The following SERGEF variants were observed in gnomAD, a reference collection of about 807,000 sequenced individuals.
SERGEF encodes secretion regulating guanine nucleotide exchange factor, also known as secretion-regulating guanine nucleotide exchange factor.
A neutral mutation model predicts 50.0 loss-of-function variants in SERGEF; 51 were observed. The ratio of observed to expected loss-of-function variants is 1.02; its 90% CI spans 0.81 to 1.29. The LOEUF (loss-of-function observed/expected upper bound fraction) is 1.29, where lower values mean the gene tolerates loss of function less well. Among genes scored for constraint, SERGEF ranks in the 50% most tolerant of loss-of-function variants. The probability of loss-of-function intolerance (pLI) is 0.00; values close to 1 mark genes in which losing one functional copy is unlikely to be tolerated. For synonymous variants in SERGEF, 205 were observed against 212.4 expected (o/e 0.97, Z 0.30); for missense variants, 521 against 557.0 (o/e 0.94, Z 0.65).
intron 10 of SERGEF, among the ~76,000 whole-genome samples, chr11:17,865,520 C>T (rs911611126): frequency 5.9e-5 from 9 of 151,950 alleles, no homozygotes; most frequent in Non-Finnish European, 2.9e-5. Context: ...TCCAGTGAGA[C>T]AAGATGTGGA....
At chr11:17,910,193 A>ACTCTCTCT (rs1219567785) in intron 9 of SERGEF, among the ~76,000 whole-genome samples, 95 of 145,744 alleles carry the variant, frequency 6.5e-4, no homozygotes, top group Non-Finnish European at 1.0e-3. Context: ...ACACACACAC[A>ACTCTCTCT]CTCTCTCTCT....
At position 17,812,319 on chromosome 11, in the gene SERGEF, G is replaced by A. The variant is rs539066906; in HGVS notation, c.1049-23906C>T. 2.0e-4 allele frequency among the ~76,000 whole-genome samples: 30 copies of A among 152,308 alleles called. No individual in the cohort carries two copies. The South Asian group carries it at 6.2e-3, about 32-fold the overall frequency. ...TAAGAAAAGTACCTCCTTCCAACCT[G>A]CCCATTTCTCTGCCAGGGGCCCATG... On this transcript the variant is annotated intron_variant, in intron 10 of 10. Transcript: ENST00000265965.
chr11:18,007,771 TGA>T (rs1854110427), intron 2 of SERGEF, among the ~76,000 whole-genome samples, 168 bp downstream of exon 2: 1 of 152,240 alleles, frequency 6.6e-6, no homozygotes, highest in African/African-American at 2.4e-5. Context: ...CTTCTAGCCC[TGA>T]AAATCTAGGA....
In SERGEF at chr11:17,992,973, T is replaced by C; in HGVS notation, c.643A>G (p.Met215Val). The C allele has an allele frequency of 6.2e-7, 1 of 1,614,126 alleles. No individual in the cohort carries two copies. Among genetic ancestry groups the C allele is most frequent in the Non-Finnish European group, 8.5e-7 (1 of 1,179,966 alleles). Residue 215 changes from methionine to valine, a missense_variant, in exon 7 of 11, where the codon ATG becomes GTG. Met to Val is a conservative substitution (Grantham distance 21). Coordinates refer to ENST00000265965, the MANE Select transcript of SERGEF (RefSeq NM_012139.4). Reference protein sequence around the residue: ...RVTGLENSKAMCVLAGSDHSA... With the variant: ...RVTGLENSKAVCVLAGSDHSA... ...TGGTCTGAGCCAGCAAGAACACACA[T>C]TGCTTTAGAATTCTCTAGACCTACA...
chr11:17,896,913 G>C (rs1189904353), intron 9 of SERGEF, among the ~76,000 whole-genome samples: 2 of 84,906 alleles, frequency 2.4e-5, no homozygotes, highest in Admixed American at 1.2e-4. Context: ...GAAGGGAAGG[G>C]AAGGGAAGGG....
intron 8 of SERGEF, among the ~76,000 whole-genome samples, chr11:17,987,261 T>G (rs941098701): frequency 2.0e-5 from 3 of 152,202 alleles, no homozygotes; most frequent in African/African-American, 4.8e-5. Context: ...GTGTAGTCTC[T>G]TTTAACTATA....
chr11:17,922,993 A>G (rs1333280198), intron 9 of SERGEF, among the ~76,000 whole-genome samples: 2 of 152,190 alleles, frequency 1.3e-5, no homozygotes, highest in Non-Finnish European at 2.9e-5. Flanking sequence ...CCTAACAGAA[A>G]GAAATCTGGG....
At chr11:17,805,739 C>T (rs891723594) in intron 10 of SERGEF, among the ~76,000 whole-genome samples, 3 of 152,140 alleles carry the variant, frequency 2.0e-5, no homozygotes, top group African/African-American at 4.8e-5. Flanking sequence ...AAGATGGGTG[C>T]GATCCCCTCT....
intron 10 of SERGEF, among the ~76,000 whole-genome samples, chr11:17,817,789 A>G (rs767303653): frequency 5.9e-5 from 9 of 152,190 alleles, no homozygotes; most frequent in African/African-American, 1.2e-4. Context: ...CATAGCTAAT[A>G]AGGGGCAATT....
intron 8 of SERGEF, among the ~76,000 whole-genome samples, chr11:17,970,916 C>T (rs1309547482): frequency 5.3e-5 from 8 of 152,038 alleles, no homozygotes; most frequent in East Asian, 1.9e-4. Context: ...GCTGTAGGAC[C>T]GGTCATGGTG....
intron 10 of SERGEF, among the ~76,000 whole-genome samples, chr11:17,826,128 C>G (rs1300700892): frequency 1.3e-5 from 2 of 152,264 alleles, no homozygotes. Context: ...AGGGCCTGAT[C>G]TGTGCCAAGC....
intron 9 of SERGEF, among the ~76,000 whole-genome samples, chr11:17,912,739 C>T (rs557226687): frequency 6.6e-6 from 1 of 152,314 alleles, no homozygotes; most frequent in South Asian, 2.1e-4. Flanking sequence ...GGAGCCAAAG[C>T]ATTCACTACT....
chr11:17,890,768 G>A (rs1851518052), intron 9 of SERGEF, among the ~76,000 whole-genome samples: 1 of 152,082 alleles, frequency 6.6e-6, no homozygotes, highest in Non-Finnish European at 1.5e-5. Flanking sequence ...ATTATTCTTG[G>A]AGAAATGGCT....
chr11:17,849,789 C>G (rs190812524), intron 10 of SERGEF, among the ~76,000 whole-genome samples: 1 of 152,202 alleles, frequency 6.6e-6, no homozygotes, highest in African/African-American at 2.4e-5. Context: ...AATTTATTCA[C>G]GGTCAATACC....
At chr11:17,793,155 T>C (rs1055513127) in intron 10 of SERGEF, among the ~76,000 whole-genome samples, 1 of 151,924 alleles carries the variant, frequency 6.6e-6, no homozygotes, top group Non-Finnish European at 1.5e-5. Flanking sequence ...CTCAAACCCA[T>C]GTGGAAAGCA....
chr11:17,937,758 A>G (rs555006241), intron 9 of SERGEF, among the ~76,000 whole-genome samples: 2 of 152,286 alleles, frequency 1.3e-5, no homozygotes, highest in Admixed American at 1.3e-4. Context: ...TCTAACAGTA[A>G]GAACTATCCT....
chr11:17,793,619 G>T (rs1849523141), intron 10 of SERGEF, among the ~76,000 whole-genome samples: 1 of 152,224 alleles, frequency 6.6e-6, no homozygotes. Context: ...TTCAAAACAG[G>T]TAAGTTAGAG....
chr11:17,974,516 C>T (rs1256568465), intron 8 of SERGEF, among the ~76,000 whole-genome samples: 2 of 152,166 alleles, frequency 1.3e-5, no homozygotes, highest in Non-Finnish European at 2.9e-5. Flanking sequence ...AGCCCTGTTA[C>T]ATAAAGGGGC....
intron 9 of SERGEF, among the ~76,000 whole-genome samples, chr11:17,907,163 C>CAAAAAAAAAAAAAA (rs200442630): frequency 8.6e-6 from 1 of 116,818 alleles, no homozygotes; most frequent in Non-Finnish European, 1.8e-5. Context: ...AACTTATGAC[C>CAAAAAAAAAAAAAA]AAAAAAAAAA....
Sources: gnomAD v4.1 joint callset for allele counts (sites outside exome capture counted in the v4.1 genomes callset) on GRCh38, gnomAD v4.1.1 for gene constraint, MANE v1.5 for transcripts, NCBI Gene and HGNC (gene_info 2026-07-23, HGNC 2026-07-21) for gene names.